URB1: variants seen among roughly 807,000 people sequenced by gnomAD.
URB1 encodes the protein nucleolar pre-ribosomal-associated protein 1.
A neutral mutation model predicts 242.3 loss-of-function variants in URB1; 197 were observed. The observed-to-expected ratio is 0.81, with a 90% CI of 0.72 to 0.91. The LOEUF (loss-of-function observed/expected upper bound fraction) is 0.91. URB1 is among the 40% of genes least tolerant of loss of function. URB1 has a pLI of 0.00. For synonymous variants in URB1, 1,153 were observed against 1,201.8 expected, an observed-to-expected ratio of 0.96 and a Z score of 0.84; for missense variants, 2,721 against 2,860.5, an observed-to-expected ratio of 0.95 and a Z score of 1.11.
chr21:32,316,470 T>G lies in URB1; in HGVS notation c.6630A>C (p.Thr2210=). Residue 2210 remains threonine, a synonymous_variant, in exon 38 of 39, where the codon ACA becomes ACC. Coordinates refer to ENST00000382751, the MANE Select transcript of URB1 (RefSeq NM_014825.3). ...CAACAAAAGAACCAGCCTTACCTTG[T>G]GTGGCTTCATCCTTCTCACTCAGAG... ...LSSLSEKDEA[T]QASAAFLVSL... is the part of the protein sequence containing the mutation. 1 of 1,516,252 alleles carries G rather than the reference T, an allele frequency of 6.6e-7. No homozygotes were observed. Among genetic ancestry groups the G allele is most frequent in the Non-Finnish European group, 8.8e-7 (1 of 1,131,056 alleles). 93.9% of individuals were successfully genotyped at this position (1,516,252 alleles called of 1,614,324 possible). A position where few individuals can be genotyped will look rare whatever the true frequency, so the allele number is the denominator to read the frequency against.
chr21:32,348,822 C>G (rs773900092), intron 21 of URB1, among the ~76,000 whole-genome samples: 1 of 152,226 alleles, frequency 6.6e-6, no homozygotes, highest in African/African-American at 2.4e-5. Flanking sequence ...GATTGTGCAA[C>G]AAGGAACGTG....
intron 19 of URB1, among the ~76,000 whole-genome samples, chr21:32,352,167 A>G (rs1327952495): frequency 6.6e-6 from 1 of 152,184 alleles, no homozygotes; most frequent in African/African-American, 2.4e-5. Context: ...GCATACCACA[A>G]ATTTCGTGCC....
In URB1 at chr21:32,337,609, G is replaced by A. The variant is rs1361295358; in HGVS notation, c.4511-95C>T. 1.9e-5 allele frequency: 18 copies of A among 970,152 alleles called. No homozygotes were observed. The East Asian group carries it at 2.9e-4, about 16-fold the overall frequency. The allele number at this position is 970,152 out of a possible 1,614,324, so 60.1% of individuals were successfully genotyped here. A position where few individuals can be genotyped will look rare whatever the true frequency, so the allele number is the denominator to read the frequency against. ...GCCTTCCAGGCAACATTGAAATGCT[G>A]GAAATCTCCTCCTCTGAATAATACT... On this transcript the variant is annotated intron_variant, in intron 26 of 38. Transcript: ENST00000382751.
At position 32,314,414 on chromosome 21, in the gene URB1, A is replaced by T; in HGVS notation, c.*504T>A. On this transcript the variant is annotated 3_prime_UTR_variant, in exon 39 of 39. Transcript: ENST00000382751. ...TGGGAAGGCTGGTTTCGAACTCCTG[A>T]CCTCAGGTGATTCACCCGCCTTGGC... is the stretch of plus-strand genomic sequence containing the variant. 1 of 726,548 alleles carries T rather than the reference A, an allele frequency of 1.4e-6. No homozygotes were observed. The highest frequency in any genetic ancestry group is 2.5e-6 in the Non-Finnish European group (1 of 404,650). The allele number at this position is 726,548 out of a possible 1,614,324, so 45.0% of individuals were successfully genotyped here.
chr21:32,386,321 G>T (rs931861619), intron 1 of URB1, among the ~76,000 whole-genome samples: 1 of 152,182 alleles, frequency 6.6e-6, no homozygotes, highest in Non-Finnish European at 1.5e-5. Flanking sequence ...CTCCCTCTCT[G>T]CATGTGGATA....
At chr21:32,374,978 G>C (rs1206818304) in intron 6 of URB1, among the ~76,000 whole-genome samples, 2 of 152,200 alleles carry the variant, frequency 1.3e-5, no homozygotes, top group South Asian at 2.1e-4. Context: ...ATTAAAGGCA[G>C]TGATCTTTTT....
rs961324077 is a variant in URB1, at chr21:32,347,099, C to A, written c.3725G>T (p.Cys1242Phe). ...SIAALLLQES[C>F]THLLWFEQWC... ...CTGCTCGAACCACAGCAAGTGGGTG[C>A]AGCTCTCCTGGAGGAGCAGGGCAGC... Residue 1242 changes from cysteine (C) to phenylalanine (F), a missense_variant, in exon 22 of 39, where the codon TGC (cysteine) becomes TTC (phenylalanine). Coordinates refer to ENST00000382751, the MANE Select transcript of URB1 (RefSeq NM_014825.3). 1.9e-6 allele frequency: 3 copies of A among 1,550,068 alleles called. No individual in the cohort carries two copies. The highest frequency in any genetic ancestry group is 2.0e-5 in the Admixed American group (1 of 50,978).
At chr21:32,370,047 A>C (rs1422913560) in intron 8 of URB1, among the ~76,000 whole-genome samples, 1 of 151,832 alleles carries the variant, frequency 6.6e-6, no homozygotes, top group Non-Finnish European at 1.5e-5. Flanking sequence ...AAGGGAGTAA[A>C]ATCCCAGGAT....
intron 26 of URB1, 48 bp downstream of exon 26, chr21:32,338,659 G>A: frequency 1.3e-6 from 2 of 1,544,096 alleles, no homozygotes; most frequent in Non-Finnish European, 1.8e-6. Flanking sequence ...AAGGAAATCA[G>A]GAGATAAAAT....
chr21:32,361,159 A>AAAAGAAAGAAAGAAGG (rs1555839837), intron 12 of URB1, 36 bp from the exon 13 acceptor site: 13 of 270,332 alleles, frequency 4.8e-5, no homozygotes, highest in Non-Finnish European at 8.2e-5. Context: ...AAAAAGAGAA[A>AAAAGAAAGAAAGAAGG]AAAGAAAGAA....
In URB1 at chr21:32,337,134, G is replaced by A. The variant is rs1036411147; in HGVS notation, c.4645C>T (p.Arg1549Ter). 3 of 1,551,728 alleles carry A rather than the reference G, an allele frequency of 1.9e-6. No homozygotes were observed. The highest frequency in any genetic ancestry group is 1.4e-5 in the African/African-American group (1 of 73,034). Residue 1549 changes from arginine (R) to a stop codon, truncating the protein, a stop_gained, in exon 28 of 39, where the codon CGA becomes TGA. Transcript: ENST00000382751. LOFTEE classifies it high-confidence loss of function. ...CTGAGCTTGTTCTGCTCATACGCTC[G>A]AAGCAGAAGTAAAATCTTCTGATCT... is the stretch of plus-strand genomic sequence containing the variant. ...VLDQKILLLL[R>*]AYEQNKLSLI...
At chr21:32,349,061 C>T (rs1254709086) in intron 21 of URB1, among the ~76,000 whole-genome samples, 1 of 152,276 alleles carries the variant, frequency 6.6e-6, no homozygotes, top group African/African-American at 2.4e-5. Flanking sequence ...AGGCTCACCT[C>T]ACACAGCGTG....
intron 5 of URB1, among the ~76,000 whole-genome samples, chr21:32,377,611 G>C (rs908355097): frequency 6.6e-6 from 1 of 152,026 alleles, no homozygotes. Context: ...AGCAGCAATA[G>C]AGCGCCCCAC....
rs143508975 is a variant in URB1 at position 32,370,043 on chromosome 21, G to A, written c.1002-1445C>T. 4.6e-5 allele frequency among the ~76,000 whole-genome samples: 7 copies of A among 150,690 alleles called. No homozygotes were observed. In the East Asian group the frequency reaches 1.4e-3, roughly 30 times the overall value. ...AGAGACTAAAACTTGCATAAAGGGA[G>A]TAAAATCCCAGGATCCACACAGCCA... On this transcript the variant is annotated intron_variant, in intron 8 of 38. Coordinates refer to ENST00000382751, the MANE Select transcript of URB1 (RefSeq NM_014825.3).
intron 33 of URB1, 101 bp downstream of exon 33, chr21:32,322,377 G>A (rs370194464): frequency 1.6e-5 from 17 of 1,092,168 alleles, no homozygotes; most frequent in African/African-American, 9.4e-5. Context: ...CGTGTTGGCC[G>A]TGCAGCATAC....
In URB1 at chr21:32,344,729, T is replaced by C; in HGVS notation, c.4098A>G (p.Ala1366=). 6.4e-7 allele frequency: 1 copy of C among 1,551,474 alleles called. No homozygotes were observed. The highest frequency in any genetic ancestry group is 8.7e-7 in the Non-Finnish European group (1 of 1,146,922). The change falls in exon 24 of 39, where the codon GCA becomes GCG. Residue 1366 remains alanine (A), a synonymous_variant. Transcript: ENST00000382751. ...GCTCTTCTGCTGACCCTTCCAGAGC[T>C]GCTGAAATGGAGTCGGCCACGATCC... ...KRWIVADSIS[A]ALEGSAEELC...
intron 10 of URB1, among the ~76,000 whole-genome samples, chr21:32,363,955 C>CT (rs370273015): frequency 0.018 from 2,602 of 146,700 alleles, 62 homozygotes; most frequent in African/African-American, 0.061. Context: ...TGTGCCTAGC[C>CT]TTTTTTTTTT....
In URB1 at chr21:32,324,802, T is replaced by G. The variant is rs9979039; in HGVS notation, c.5122-200A>C. Among the ~76,000 whole-genome samples the G allele has an allele frequency of 5.4e-3, 824 of 152,054 alleles. 2 individuals carry two copies. Among genetic ancestry groups the G allele is most frequent in the Non-Finnish European group, 9.0e-3 (611 of 67,980 alleles). On this transcript the variant is annotated intron_variant, in intron 31 of 38. Coordinates refer to ENST00000382751, the MANE Select transcript of URB1 (RefSeq NM_014825.3). ...ACGCTTTTCGTTTTTATTTTAGGAG[T>G]CAGTCAGGTGCACAACAGCAGAGAG...
intron 4 of URB1, among the ~76,000 whole-genome samples, chr21:32,379,863 G>A (rs1013325891): frequency 8.6e-5 from 13 of 151,920 alleles, no homozygotes; most frequent in Non-Finnish European, 1.8e-4. Flanking sequence ...GGTGGTAGGC[G>A]CCTATAATCC....
Sources: gnomAD v4.1 joint callset for allele counts (sites outside exome capture counted in the v4.1 genomes callset) on GRCh38, gnomAD v4.1.1 for gene constraint, MANE v1.5 for transcripts, NCBI Gene and HGNC (gene_info 2026-07-23, HGNC 2026-07-21) for gene names.